Variants in BRIP1 observed in about 807,000 individuals in gnomAD.
The protein encoded by BRIP1 is Fanconi anemia group J protein.
Under a neutral mutation model 119.7 loss-of-function variants are expected in BRIP1, and 88 were observed. The ratio of observed to expected loss-of-function variants is 0.74; its 90% confidence interval spans 0.62 to 0.88. BRIP1 has a LOEUF of 0.88. BRIP1 is among the 40% of genes least tolerant of loss of function. The pLI is 0.00. For synonymous variants in BRIP1, 443 were observed against 496.5 expected (o/e 0.89, Z 1.43); for missense variants, 1,259 against 1,455.4 (o/e 0.87, Z 2.20).
intron 16 of BRIP1, among the ~76,000 whole-genome samples, chr17:61,718,190 G>T (rs2061912773): frequency 6.6e-6 from 1 of 152,140 alleles, no homozygotes; most frequent in South Asian, 2.1e-4. Context: ...GCTAATTTTT[G>T]ATTGGATACT....
chr17:61,692,547 C>G (rs1008490950), intron 18 of BRIP1, among the ~76,000 whole-genome samples: 2 of 151,888 alleles, frequency 1.3e-5, no homozygotes, highest in Non-Finnish European at 2.9e-5. Context: ...AAAAAATGAG[C>G]AAATGAAAAG....
chr17:61,725,996 C>G lies in BRIP1; in HGVS notation c.2380-9933G>C, dbSNP rs1443598016. ...AGGTTATCCATGTTAAAATATTACT[C>G]AAACAAACCTGCAAATGTTTAAATT... On this transcript the variant is annotated intron_variant, in intron 16 of 19. Coordinates refer to ENST00000259008, the MANE Select transcript of BRIP1 (RefSeq NM_032043.3). The surrounding 1 kb of genome is among the most constrained non-coding windows in gnomAD (Gnocchi z 5.3). Among the ~76,000 whole-genome samples, 1 of 152,124 alleles carries G rather than the reference C, an allele frequency of 6.6e-6. No individual in the cohort carries two copies. The highest frequency in any genetic ancestry group is 1.5e-5 in the Non-Finnish European group (1 of 68,022).
In BRIP1 at chr17:61,736,061, C is replaced by T. The variant is rs373289090; in HGVS notation, c.2379+6952G>A. ...CTAATACAGGCTGGGCATGATGGCT[C>T]ACACCTATAATCCCAGCACTTTGGG... On this transcript the variant is annotated intron_variant, in intron 16 of 19. Coordinates refer to ENST00000259008, the MANE Select transcript of BRIP1 (RefSeq NM_032043.3). The surrounding 1 kb of genome is among the most constrained non-coding windows in gnomAD (Gnocchi z 4.4). Among the ~76,000 whole-genome samples the T allele has an allele frequency of 1.2e-4, 19 of 152,082 alleles. No homozygotes were observed. Among genetic ancestry groups the T allele is most frequent in the African/African-American group, 4.3e-4 (18 of 41,510 alleles).
rs1567857299 is a variant in BRIP1 at position 61,834,061 on chromosome 17, A to G, written c.627+13040T>C. Reference sequence around the variant, plus strand: ...GCGTTCAAAAAAACTTTATTTATAAAAGCAGGCAGCAGGCTGTATTCTGCC... The same window carrying G: ...GCGTTCAAAAAAACTTTATTTATAAGAGCAGGCAGCAGGCTGTATTCTGCC... On this transcript the variant is annotated intron_variant, in intron 6 of 19. Coordinates refer to ENST00000259008, the MANE Select transcript of BRIP1 (RefSeq NM_032043.3). This position sits in a 1 kb window ranked among gnomAD's most constrained non-coding sequence, Gnocchi z 4.4. Among the ~76,000 whole-genome samples the G allele has an allele frequency of 6.6e-6, 1 of 152,224 alleles. No individual in the cohort carries two copies. The highest frequency in any genetic ancestry group is 1.5e-5 in the Non-Finnish European group (1 of 68,044).
At position 61,831,521 on chromosome 17, in the gene BRIP1, C is replaced by T. The variant is rs972428086; in HGVS notation, c.627+15580G>A. ...TTTATGACTGGCTTATTTTACTTCA[C>T]ATAATGTCTTCAAGTTTCATCTATG... On this transcript the variant is annotated intron_variant, in intron 6 of 19. Coordinates refer to ENST00000259008, the MANE Select transcript of BRIP1 (RefSeq NM_032043.3). The surrounding 1 kb of genome is among the most constrained non-coding windows in gnomAD (Gnocchi z 4.1). 2.6e-5 allele frequency among the ~76,000 whole-genome samples: 4 copies of T among 152,214 alleles called. No homozygotes were observed. Among genetic ancestry groups the T allele is most frequent in the African/African-American group, 7.2e-5 (3 of 41,456 alleles).
chr17:61,687,720 G>A lies in BRIP1; in HGVS notation c.2576-1555C>T, dbSNP rs77622733. Among the ~76,000 whole-genome samples the A allele has an allele frequency of 6.9e-3, 1,055 of 152,174 alleles. 10 individuals carry two copies. The highest frequency in any genetic ancestry group is 0.025 in the African/African-American group (1,018 of 41,540). ...CTCTGAAAACTGTTTACTGTTGGAT[G>A]AAACCATCGAGTGAGAAAAAAATGA... On this transcript the variant is annotated intron_variant, in intron 18 of 19. Transcript: ENST00000259008. The surrounding 1 kb of genome is among the most constrained non-coding windows in gnomAD (Gnocchi z 5.1).
At chr17:61,697,928 C>A (rs2061554515) in intron 17 of BRIP1, among the ~76,000 whole-genome samples, 1 of 152,144 alleles carries the variant, frequency 6.6e-6, no homozygotes, top group African/African-American at 2.4e-5. Flanking sequence ...GCCTCAGCCT[C>A]CCAAGTAGCT....
rs2078129345 is a variant in BRIP1, at chr17:61,809,468, AC to A, written c.628-712del. On this transcript the variant is annotated intron_variant, in intron 6 of 19. Coordinates refer to ENST00000259008, the MANE Select transcript of BRIP1 (RefSeq NM_032043.3). This position sits in a 1 kb window ranked among gnomAD's most constrained non-coding sequence, Gnocchi z 5.2. ...ATTTCACTTGTAACTCAGTTTCATA[AC>A]TGAAATAGTTATATAAATGTCTCTT... 6.6e-6 allele frequency among the ~76,000 whole-genome samples: 1 copy of A among 152,166 alleles called. No individual in the cohort carries two copies. Among genetic ancestry groups the A allele is most frequent in the Admixed American group, 6.5e-5 (1 of 15,270 alleles).
chr17:61,718,539 G>A (rs182278746), intron 16 of BRIP1, among the ~76,000 whole-genome samples: 381 of 152,258 alleles, frequency 2.5e-3, no homozygotes, highest in Non-Finnish European at 4.6e-3. Flanking sequence ...TTAAGGGGAC[G>A]CCTATGCAGA....
At chr17:61,817,871 G>A (rs1256277486) in intron 6 of BRIP1, among the ~76,000 whole-genome samples, 1 of 152,100 alleles carries the variant, frequency 6.6e-6, no homozygotes, top group Non-Finnish European at 1.5e-5. Context: ...AGGTAAAAAT[G>A]GGTTCTGCAG....
At chr17:61,786,925 AT>A (rs2077723266) in intron 10 of BRIP1, among the ~76,000 whole-genome samples, 3 of 40,610 alleles carry the variant, frequency 7.4e-5, no homozygotes, top group South Asian at 7.9e-4. Flanking sequence ...AAAAATATAT[AT>A]TTATATATAA....
Position 61,774,287 on chromosome 17 carries a change from G to C in BRIP1, c.2097+2114C>G, listed in dbSNP as rs1002016978. On this transcript the variant is annotated intron_variant, in intron 14 of 19. Transcript: ENST00000259008. This position sits in a 1 kb window ranked among gnomAD's most constrained non-coding sequence, Gnocchi z 5.8. ...AGGATGAGTTCATGTCCTTTGCAGG[G>C]ACATGGATGAAGCTGGAAACCATCA... is the stretch of plus-strand genomic sequence containing the variant. Among the ~76,000 whole-genome samples the C allele has an allele frequency of 7.2e-5, 11 of 152,138 alleles. No homozygotes were observed. Among genetic ancestry groups the C allele is most frequent in the Admixed American group, 2.0e-4 (3 of 15,266 alleles).
At chr17:61,788,217 T>A (rs1242794067) in intron 10 of BRIP1, among the ~76,000 whole-genome samples, 4 of 152,108 alleles carry the variant, frequency 2.6e-5, no homozygotes, top group Non-Finnish European at 5.9e-5. Flanking sequence ...AATGTAATTT[T>A]AAAAATATAT....
intron 6 of BRIP1, 38 bp downstream of exon 6, chr17:61,847,063 T>C (rs1395411714): frequency 6.2e-7 from 1 of 1,612,136 alleles, no homozygotes; most frequent in Admixed American, 1.7e-5. Flanking sequence ...ATTCCATATC[T>C]TCCTTCTTTA....
rs150901054 is a variant in BRIP1, at chr17:61,761,776, T to C, written c.2097+14625A>G. The stretch of plus-strand genomic sequence containing the variant: ...AGAAATTGTAGAAGATACAAGTAAA[T>C]AGCATGATATTCTTTGCTCATAGAC... On this transcript the variant is annotated intron_variant, in intron 14 of 19. Transcript: ENST00000259008. This position sits in a 1 kb window ranked among gnomAD's most constrained non-coding sequence, Gnocchi z 6.4. Among the ~76,000 whole-genome samples the C allele has an allele frequency of 4.1e-4, 62 of 152,112 alleles. No individual in the cohort carries two copies. Among genetic ancestry groups the C allele is most frequent in the African/African-American group, 8.2e-4 (34 of 41,538 alleles).
intron 16 of BRIP1, among the ~76,000 whole-genome samples, chr17:61,723,919 T>C (rs781532890): frequency 6.6e-6 from 1 of 152,146 alleles, no homozygotes; most frequent in African/African-American, 2.4e-5. Flanking sequence ...ATCTAAAACT[T>C]TGGCTATCTC....
At chr17:61,849,310 T>C in intron 4 of BRIP1, 54 bp from the exon 5 acceptor site, 1 of 1,506,798 alleles carries the variant, frequency 6.6e-7, no homozygotes, top group Non-Finnish European at 9.1e-7. Flanking sequence ...GTAGGCAATT[T>C]TTCTAGAAGA....
rs1435001371 is a variant in BRIP1 at position 61,846,617 on chromosome 17, AC to A, written c.627+483del. The stretch of plus-strand genomic sequence containing the variant: ...GCCCAGGCTGGTTTCAAACTCGTGA[AC>A]TCAAGTGATCCACCCGCCTTGGCCT... On this transcript the variant is annotated intron_variant, in intron 6 of 19. Coordinates refer to ENST00000259008, the MANE Select transcript of BRIP1 (RefSeq NM_032043.3). This position sits in a 1 kb window ranked among gnomAD's most constrained non-coding sequence, Gnocchi z 4.3. 6.6e-5 allele frequency among the ~76,000 whole-genome samples: 10 copies of A among 152,124 alleles called. No homozygotes were observed. The highest frequency in any genetic ancestry group is 2.2e-4 in the African/African-American group (9 of 41,514).
At position 61,687,789 on chromosome 17, in the gene BRIP1, T is replaced by C. The variant is rs543041831; in HGVS notation, c.2576-1624A>G. On this transcript the variant is annotated intron_variant, in intron 18 of 19. Transcript: ENST00000259008. This position sits in a 1 kb window ranked among gnomAD's most constrained non-coding sequence, Gnocchi z 5.1. ...AGCGGTAGGAAAATTTGTGGCACCC[T>C]CTTGTCATGATCCCCACTTCAGAAT... Among the ~76,000 whole-genome samples the C allele has an allele frequency of 6.8e-4, 104 of 152,254 alleles. No homozygotes were observed. The highest frequency in any genetic ancestry group is 2.5e-3 in the African/African-American group (103 of 41,568).
Sources: gnomAD v4.1 joint callset for allele counts (sites outside exome capture counted in the v4.1 genomes callset) on GRCh38, gnomAD v4.1.1 for gene constraint, Gnocchi (gnomAD v3.1) non-coding constraint, MANE v1.5 for transcripts, NCBI Gene and HGNC (gene_info 2026-07-23, HGNC 2026-07-21) for gene names.